The following TNRC6B variants were observed in gnomAD, a reference collection of about 807,000 sequenced individuals.
TNRC6B encodes the protein trinucleotide repeat-containing gene 6B protein.
In TNRC6B, 52 loss-of-function variants were observed where a neutral mutation model predicts 203.6. The ratio of observed to expected loss-of-function variants is 0.26; its 90% CI spans 0.20 to 0.32. The LOEUF is 0.32. Ranked by LOEUF, TNRC6B falls within the 10% of genes least tolerant of loss-of-function variation. The pLI, the probability that TNRC6B is intolerant of heterozygous loss-of-function variation, is 1.00. For missense variants in TNRC6B, 1,923 were observed against 2,286.2 expected, an observed-to-expected ratio of 0.84 and a Z score of 3.24; for synonymous variants, 838 against 845.7, an observed-to-expected ratio of 0.99 and a Z score of 0.16.
rs1019628934 is a variant in TNRC6B, at chr22:40,333,446, T to C, written c.*10205T>C. 2 of 152,672 alleles carry C rather than the reference T, an allele frequency of 1.3e-5. No homozygotes were observed. The highest frequency in any genetic ancestry group is 2.9e-5 in the Non-Finnish European group (2 of 68,064). The allele number at this position is 152,672 out of a possible 1,614,324, so 9.5% of individuals were successfully genotyped here. ...AGGGTAAGAAGTGTCTGAATTTCTC[T>C]CTTCCAGCAGATCCATCCCCTGCAG... is the stretch of plus-strand genomic sequence containing the variant. On this transcript the variant is annotated 3_prime_UTR_variant, in exon 23 of 23. Coordinates refer to ENST00000454349, the MANE Select transcript of TNRC6B (RefSeq NM_001162501.2).
At chr22:40,074,574 C>T (rs543883264) in intron 1 of TNRC6B, among the ~76,000 whole-genome samples, 13 of 152,090 alleles carry the variant, frequency 8.5e-5, no homozygotes, top group African/African-American at 2.7e-4. Flanking sequence ...GTCAGGAGAT[C>T]GAGACCATCC....
intron 1 of TNRC6B, among the ~76,000 whole-genome samples, chr22:40,196,375 C>A (rs980708109): frequency 8.6e-5 from 13 of 151,972 alleles, no homozygotes; most frequent in African/African-American, 3.1e-4. Context: ...TCTTCTATCA[C>A]ATGTTAAATC....
intron 1 of TNRC6B, among the ~76,000 whole-genome samples, chr22:40,202,153 T>G (rs1193750004): frequency 6.6e-6 from 1 of 152,146 alleles, no homozygotes; most frequent in Admixed American, 6.5e-5. Context: ...TACTTCTAGT[T>G]GAGTTAAAGT....
chr22:40,103,300 A>G (rs1438388128), intron 1 of TNRC6B, among the ~76,000 whole-genome samples: 1 of 150,704 alleles, frequency 6.6e-6, no homozygotes, highest in Non-Finnish European at 1.5e-5. Flanking sequence ...CAGTTGTACC[A>G]TCATCATTCG....
intron 1 of TNRC6B, among the ~76,000 whole-genome samples, chr22:40,207,406 C>CAAAAA (rs1253967138): frequency 1.0e-3 from 100 of 98,224 alleles, no homozygotes; most frequent in African/African-American, 2.0e-3. Flanking sequence ...GACCCTGCCT[C>CAAAAA]AAAAAAAAAA....
At position 40,227,358 on chromosome 22, in the gene TNRC6B, C is replaced by CTTT. The variant is rs71199278; in HGVS notation, c.6-18634_6-18632dup. Among the ~76,000 whole-genome samples, 382 of 71,012 alleles carry CTTT rather than the reference C, an allele frequency of 5.4e-3. 6 individuals carry two copies. The highest frequency in any genetic ancestry group is 0.016 in the Middle Eastern group (1 of 62). The allele number at this position is 71,012 out of a possible 152,430, so 46.6% of individuals were successfully genotyped here. A position where few individuals can be genotyped will look rare whatever the true frequency, so the allele number is the denominator to read the frequency against. ...GCTACCACACCTAGCCTGAAATTAC[C>CTTT]TTTTTTTTTTTTTTTTTTTTTTTTT... On this transcript the variant is annotated intron_variant, in intron 1 of 22. Transcript: ENST00000454349.
chr22:40,118,803 C>G (rs1029520034), intron 2 of TNRC6B, among the ~76,000 whole-genome samples: 4 of 152,262 alleles, frequency 2.6e-5, no homozygotes, highest in East Asian at 1.9e-4. Flanking sequence ...AGAATTCAAA[C>G]AAGATCCACT....
chr22:40,251,234 A>G, intron 3 of TNRC6B, 34 bp downstream of exon 3: 3 of 1,499,038 alleles, frequency 2.0e-6, no homozygotes, highest in Non-Finnish European at 2.7e-6. Flanking sequence ...AATTATTTAG[A>G]ACCTTTTGTG....
At chr22:40,182,116 C>T (rs1428295373) in intron 1 of TNRC6B, among the ~76,000 whole-genome samples, 1 of 151,860 alleles carries the variant, frequency 6.6e-6, no homozygotes, top group Non-Finnish European at 1.5e-5. Context: ...GTGGTGGCGC[C>T]TGCCTGTAAT....
chr22:40,303,775 G>A (rs1355935032), intron 15 of TNRC6B, among the ~76,000 whole-genome samples: 1 of 152,150 alleles, frequency 6.6e-6, no homozygotes, highest in Admixed American at 6.6e-5. Flanking sequence ...ATTGGACGTG[G>A]TGGTGTGCAC....
intron 1 of TNRC6B, among the ~76,000 whole-genome samples, chr22:40,098,052 G>GGT (rs138107146): frequency 4.0e-5 from 6 of 151,518 alleles, no homozygotes; most frequent in East Asian, 1.9e-4. Context: ...ATACTTGTGA[G>GGT]GTGTGTGTGT....
chr22:40,065,632 A>G (rs2090211481), intron 1 of TNRC6B, among the ~76,000 whole-genome samples: 1 of 152,082 alleles, frequency 6.6e-6, no homozygotes, highest in South Asian at 2.1e-4. Context: ...TAAACTTTGT[A>G]AGTTTTATAT....
intron 3 of TNRC6B, among the ~76,000 whole-genome samples, chr22:40,154,577 A>G (rs2068793469): frequency 6.6e-6 from 1 of 151,360 alleles, no homozygotes; most frequent in Non-Finnish European, 1.5e-5. Context: ...GTGGTGGCTC[A>G]CGCCTGTAAT....
At chr22:40,194,466 G>A (rs933818304) in intron 1 of TNRC6B, among the ~76,000 whole-genome samples, 10 of 152,186 alleles carry the variant, frequency 6.6e-5, no homozygotes, top group African/African-American at 2.4e-4. Flanking sequence ...AGGTAGCATT[G>A]CAGTAGCTTC....
intron 1 of TNRC6B, among the ~76,000 whole-genome samples, chr22:40,071,921 G>A (rs920464290): frequency 3.9e-5 from 6 of 152,232 alleles, no homozygotes; most frequent in African/African-American, 1.4e-4. Context: ...ACATTGGCGC[G>A]ATCATAGCTC....
Position 40,281,178 on chromosome 22 carries a change from C to T in TNRC6B, c.3471C>T (p.Pro1157=). 1 of 1,551,506 alleles carries T rather than the reference C, an allele frequency of 6.4e-7. No individual in the cohort carries two copies. The highest frequency in any genetic ancestry group is 2.4e-5 in the East Asian group (1 of 40,900). The part of the protein sequence containing the change: ...GCLGDEAPCS[P]FSPSPSYKLS... ...TTGGGGATGAGGCTCCCTGCTCTCCCTTCTCCCCTTCTCCCAGCTACAAGC... is the reference window on the plus strand; with the variant it reads ...TTGGGGATGAGGCTCCCTGCTCTCCTTTCTCCCCTTCTCCCAGCTACAAGC... Residue 1157 remains proline (P), a synonymous_variant, in exon 11 of 23, where the codon CCC becomes CCT. Transcript: ENST00000454349.
chr22:40,289,140 A>G (rs1168002203), intron 12 of TNRC6B, among the ~76,000 whole-genome samples: 1 of 151,962 alleles, frequency 6.6e-6, no homozygotes, highest in Non-Finnish European at 1.5e-5. Flanking sequence ...TTAATGATCC[A>G]GGCATGGTGG....
chr22:40,095,870 T>C (rs1411610647), intron 1 of TNRC6B, among the ~76,000 whole-genome samples: 1 of 151,920 alleles, frequency 6.6e-6, no homozygotes, highest in African/African-American at 2.4e-5. Context: ...ATCAACAAAA[T>C]TTACAAGTAC....
chr22:40,074,774 G>A (rs1343929709), intron 1 of TNRC6B, among the ~76,000 whole-genome samples: 2 of 148,812 alleles, frequency 1.3e-5, no homozygotes, highest in East Asian at 3.9e-4. Flanking sequence ...GCAAGACTCC[G>A]TCTCCAAAAA....
Sources: allele counts gnomAD v4.1 joint callset (sites outside exome capture counted in the v4.1 genomes callset), GRCh38; gene constraint gnomAD v4.1.1; transcripts MANE v1.5; gene names NCBI Gene and HGNC (gene_info 2026-07-23, HGNC 2026-07-21).